The following ACER2 variants were observed in gnomAD, a reference collection of about 807,000 sequenced individuals.
The protein encoded by ACER2 is alkCDase 2.
Under a neutral mutation model 34.7 loss-of-function variants are expected in ACER2, and 26 were observed. The ratio of observed to expected loss-of-function variants is 0.75; its 90% CI spans 0.55 to 1.04. The LOEUF is 1.04. Among genes scored for constraint, ACER2 ranks in the 50% least tolerant of loss-of-function variants. ACER2 has a pLI of 0.00. For missense variants in ACER2, 352 were observed against 340.8 expected (o/e 1.03, Z -0.26); for synonymous variants, 138 against 132.1 (o/e 1.04, Z -0.31).
chr9:19,422,313 A>G (rs1299274285), intron 1 of ACER2, among the ~76,000 whole-genome samples: 2 of 151,912 alleles, frequency 1.3e-5, no homozygotes, highest in African/African-American at 4.8e-5. Context: ...AAAAAAAAAA[A>G]GTAAACTATC....
chr9:19,447,021 T>G (rs1445554808), intron 5 of ACER2, among the ~76,000 whole-genome samples: 2 of 150,796 alleles, frequency 1.3e-5, no homozygotes, highest in Non-Finnish European at 2.9e-5. Context: ...CAGGATACAC[T>G]AAGTTAAAAA....
At chr9:19,438,205 T>C (rs1831033924) in intron 4 of ACER2, among the ~76,000 whole-genome samples, 3 of 152,240 alleles carry the variant, frequency 2.0e-5, no homozygotes, top group African/African-American at 7.2e-5. Flanking sequence ...TGAAATTGAA[T>C]AATAATACTT....
chr9:19,431,497 A>G (rs1475646479), intron 3 of ACER2, among the ~76,000 whole-genome samples: 2 of 152,170 alleles, frequency 1.3e-5, no homozygotes, highest in African/African-American at 4.8e-5. Context: ...TTATGTGTTT[A>G]TCCTAATGAA....
intron 1 of ACER2, among the ~76,000 whole-genome samples, chr9:19,419,956 C>A (rs1372858902): frequency 6.6e-6 from 1 of 152,154 alleles, no homozygotes; most frequent in Non-Finnish European, 1.5e-5. Flanking sequence ...ACCCATCTTT[C>A]TCCCGTTTCT....
intron 3 of ACER2, among the ~76,000 whole-genome samples, chr9:19,433,777 C>CG (rs1415747986): frequency 2.1e-5 from 3 of 145,874 alleles, no homozygotes; most frequent in Non-Finnish European, 3.0e-5. Context: ...GCTGGCCGGG[C>CG]GGGGGGCTGA....
Position 19,450,640 on chromosome 9 carries a change from C to A in ACER2, c.*4C>A. On this transcript the variant is annotated 3_prime_UTR_variant, in exon 6 of 6. Transcript: ENST00000340967. ...ATCATCAGTCAAGATCACGTGATGG[C>A]AAGATGGTGGCTGGCTTCTCTGCTT... 1 of 1,541,664 alleles carries A rather than the reference C, an allele frequency of 6.5e-7. No individual in the cohort carries two copies. Among genetic ancestry groups the A allele is most frequent in the Non-Finnish European group, 8.9e-7 (1 of 1,127,236 alleles).
intron 5 of ACER2, among the ~76,000 whole-genome samples, chr9:19,449,914 A>T (rs1831504212): frequency 6.7e-6 from 1 of 150,102 alleles, no homozygotes; most frequent in Non-Finnish European, 1.5e-5. Context: ...AAAAAAAAGG[A>T]TTACATGCTT....
chr9:19,450,357 T>C (rs747877648), intron 5 of ACER2, 93 bp from the exon 6 acceptor site: 4 of 1,418,010 alleles, frequency 2.8e-6, no homozygotes, highest in Non-Finnish European at 3.7e-6. Context: ...GTCAGCAAGG[T>C]GCGTGGGTTA....
intron 4 of ACER2, among the ~76,000 whole-genome samples, chr9:19,439,683 A>G (rs1831084392): frequency 6.6e-6 from 1 of 152,112 alleles, no homozygotes; most frequent in Non-Finnish European, 1.5e-5. Flanking sequence ...TAAAAGCTCC[A>G]TCGGCTGGGC....
At chr9:19,420,038 A>G (rs1050686573) in intron 1 of ACER2, among the ~76,000 whole-genome samples, 11 of 152,310 alleles carry the variant, frequency 7.2e-5, no homozygotes, top group Non-Finnish European at 1.5e-4. Context: ...TGAAGCTGCC[A>G]GTCCTCACTT....
At chr9:19,439,921 G>A (rs1831094394) in intron 4 of ACER2, among the ~76,000 whole-genome samples, 1 of 150,610 alleles carries the variant, frequency 6.6e-6, no homozygotes. Flanking sequence ...GCGTGGAGAT[G>A]TGGAGATCAC....
At chr9:19,443,786 A>G (rs906411382) in intron 4 of ACER2, among the ~76,000 whole-genome samples, 1 of 151,182 alleles carries the variant, frequency 6.6e-6, no homozygotes, top group Non-Finnish European at 1.5e-5. Context: ...CCTCCCAAGT[A>G]GCTGGGATTA....
chr9:19,409,739 G>A (rs1368001933), intron 1 of ACER2: 7 of 985,088 alleles, frequency 7.1e-6, no homozygotes, highest in Non-Finnish European at 8.4e-6. Context: ...TCAGAATCAA[G>A]TTAATTACTA....
At chr9:19,442,560 A>G (rs10964139) in intron 4 of ACER2, among the ~76,000 whole-genome samples, 54,836 of 151,992 alleles carry the variant, frequency 0.36, 12,470 homozygotes, top group African/African-American at 0.65. Flanking sequence ...CCTGGCACTT[A>G]CAGTGACTAA....
intron 5 of ACER2, chr9:19,446,791 G>A (rs1257049392): frequency 2.9e-6 from 1 of 346,698 alleles, no homozygotes; most frequent in Non-Finnish European, 4.1e-6. Flanking sequence ...TGAGGGCTGG[G>A]AGGGTCCTCA....
At chr9:19,441,627 C>T (rs1453979951) in intron 4 of ACER2, among the ~76,000 whole-genome samples, 1 of 152,068 alleles carries the variant, frequency 6.6e-6, no homozygotes, top group East Asian at 1.9e-4. Context: ...TGTTCCAGGA[C>T]CCTGAACTTC....
At chr9:19,418,408 T>G (rs1589036456) in intron 1 of ACER2, among the ~76,000 whole-genome samples, 2 of 152,224 alleles carry the variant, frequency 1.3e-5, no homozygotes, top group South Asian at 4.1e-4. Context: ...GTATGTTTAT[T>G]GCAGCACTGT....
chr9:19,438,685 A>G (rs1420547880), intron 4 of ACER2, among the ~76,000 whole-genome samples: 2 of 152,246 alleles, frequency 1.3e-5, no homozygotes, highest in African/African-American at 4.8e-5. Context: ...TTTCTTGAGA[A>G]TTCACTGCAG....
chr9:19,427,726 G>A (rs1434860414), intron 3 of ACER2, among the ~76,000 whole-genome samples: 1 of 148,564 alleles, frequency 6.7e-6, no homozygotes, highest in Non-Finnish European at 1.5e-5. Context: ...GAGTGCTGTG[G>A]CACAATCTGG....
Sources: allele counts gnomAD v4.1 joint callset (sites outside exome capture counted in the v4.1 genomes callset), GRCh38; gene constraint gnomAD v4.1.1; transcripts MANE v1.5; gene names NCBI Gene and HGNC (gene_info 2026-07-23, HGNC 2026-07-21).